Variants in ZNF544 observed in about 807,000 individuals in gnomAD.
The protein encoded by ZNF544 is zinc finger protein AF020591.
A neutral mutation model predicts 13.5 loss-of-function variants in ZNF544; 10 were observed. The ratio of observed to expected loss-of-function variants is 0.74; its 90% CI spans 0.46 to 1.25. ZNF544 has a LOEUF of 1.25. Ranked by LOEUF, ZNF544 falls within the 50% of genes most tolerant of loss-of-function variation. The pLI is 0.00. For synonymous variants in ZNF544, 323 were observed against 300.5 expected, an observed-to-expected ratio of 1.07 and a Z score of -0.77; for missense variants, 896 against 845.6, an observed-to-expected ratio of 1.06 and a Z score of -0.74.
chr19:58,245,015 C>T (rs1303874212), intron 4 of ZNF544, among the ~76,000 whole-genome samples: 1 of 151,996 alleles, frequency 6.6e-6, no homozygotes, highest in East Asian at 1.9e-4. Flanking sequence ...GTGGCACAAT[C>T]TCAGCTCACT....
intron 5 of ZNF544, among the ~76,000 whole-genome samples, chr19:58,269,937 C>A (rs1011177251): frequency 6.6e-6 from 1 of 152,064 alleles, no homozygotes; most frequent in Non-Finnish European, 1.5e-5. Context: ...GAGCAAATGG[C>A]ATGGCAGAAC....
intron 5 of ZNF544, among the ~76,000 whole-genome samples, chr19:58,272,872 C>CAA (rs60087012): frequency 7.6e-4 from 98 of 128,628 alleles, no homozygotes; most frequent in African/African-American, 2.1e-3. Flanking sequence ...GTCTCCTTCT[C>CAA]AAAAAAAAAA....
chr19:58,242,380 TC>T, intron 3 of ZNF544: 1 of 751,914 alleles, frequency 1.3e-6, no homozygotes, highest in Non-Finnish European at 1.6e-6. Context: ...TACTTGATAT[TC>T]CAGGGAATTT....
At chr19:58,251,719 T>TATA (rs1457759542) in intron 6 of ZNF544, among the ~76,000 whole-genome samples, 2 of 152,334 alleles carry the variant, frequency 1.3e-5, no homozygotes, top group African/African-American at 4.8e-5. Flanking sequence ...TTGTGTGGGC[T>TATA]CATAATAATT....
intron 3 of ZNF544, among the ~76,000 whole-genome samples, chr19:58,232,439 C>T (rs2041459068): frequency 6.7e-6 from 1 of 149,832 alleles, no homozygotes. Flanking sequence ...GCAGCCTTGA[C>T]CTCCCGGCTC....
intron 5 of ZNF544, among the ~76,000 whole-genome samples, chr19:58,271,824 T>C (rs2147888241): frequency 6.6e-6 from 1 of 152,310 alleles, no homozygotes; most frequent in South Asian, 2.1e-4. Context: ...TACTCTCCTT[T>C]TGATTCGGTG....
intron 3 of ZNF544, among the ~76,000 whole-genome samples, chr19:58,236,451 C>T (rs1407587890): frequency 2.0e-5 from 3 of 146,718 alleles, no homozygotes; most frequent in Admixed American, 6.9e-5. Context: ...GAGCCGAGAT[C>T]GCTTGGCGCC....
intron 3 of ZNF544, among the ~76,000 whole-genome samples, chr19:58,237,887 G>A (rs537428093): frequency 2.6e-5 from 4 of 152,280 alleles, no homozygotes; most frequent in South Asian, 2.1e-4. Flanking sequence ...TTGTGGGGCC[G>A]GGGAGCTGGA....
intron 5 of ZNF544, chr19:58,276,258 C>G (rs780059521): frequency 2.0e-5 from 17 of 832,994 alleles, no homozygotes; most frequent in Non-Finnish European, 2.4e-5. Flanking sequence ...CCCTACCTCT[C>G]CAACACTGGT....
chr19:58,262,254 T>G lies in ZNF544; in HGVS notation c.1648T>G (p.Cys550Gly). Residue 550 changes from cysteine (C) to glycine (G), a missense_variant, in exon 7 of 7, where the codon TGT (cysteine) becomes GGT (glycine). Transcript: ENST00000687789. ...TCACACTGGAGAAAAACCGTATCAG[T>G]GTATTGAATGTGGGAAATCCTTCAG... The part of the protein sequence containing the change: ...RIHTGEKPYQ[C>G]IECGKSFRWN... The G allele has an allele frequency of 6.2e-7, 1 of 1,614,026 alleles. No individual in the cohort carries two copies. The highest frequency in any genetic ancestry group is 1.6e-4 in the Middle Eastern group (1 of 6,062).
chr19:58,274,486 G>A (rs2051064953), intron 5 of ZNF544, among the ~76,000 whole-genome samples: 1 of 152,150 alleles, frequency 6.6e-6, no homozygotes, highest in Middle Eastern at 3.2e-3. Context: ...ACTAAGGAAA[G>A]GGATGGAACA....
At chr19:58,268,191 C>T (rs1337900991), downstream of ZNF544, among the ~76,000 whole-genome samples, 1 of 151,934 alleles carries the variant, frequency 6.6e-6, no homozygotes, top group African/African-American at 2.4e-5. Flanking sequence ...CCCAGCTACT[C>T]AGGAGTCTGA....
chr19:58,272,374 C>A (rs1008202486), intron 5 of ZNF544, among the ~76,000 whole-genome samples: 1 of 151,818 alleles, frequency 6.6e-6, no homozygotes, highest in African/African-American at 2.4e-5. Context: ...TTAGACTGGG[C>A]AACATGGCAG....
chr19:58,268,890 A>AC (rs2050260833), downstream of ZNF544, among the ~76,000 whole-genome samples: 1 of 152,236 alleles, frequency 6.6e-6, no homozygotes, highest in South Asian at 2.1e-4. Context: ...ACAAAGACTT[A>AC]CTAGCACAAA....
rs529322851 is a variant in ZNF544, at chr19:58,248,588, T to C, written c.244+1794T>C. ...GCATTTGGACAAATGTACAATGTCA[T>C]GTATCCACCATTATAGTATCAGACA... On this transcript the variant is annotated intron_variant, in intron 6 of 6. Transcript: ENST00000687789. Among the ~76,000 whole-genome samples the C allele has an allele frequency of 3.3e-5, 5 of 152,264 alleles. No homozygotes were observed. In the South Asian group the frequency reaches 1.0e-3, roughly 32 times the overall value.
rs759951051 is a variant in ZNF544 at position 58,262,010 on chromosome 19, C to T, written c.1404C>T (p.His468=). Residue 468 remains histidine (H), a synonymous_variant, in exon 7 of 7, where the codon CAC becomes CAT. Transcript: ENST00000687789. ...HTGEKPYECT[H]CGKSFSQSYE... is the part of the protein sequence containing the mutation. ...GAGAGAAACCGTATGAGTGCACTCACTGTGGAAAGTCCTTCAGCCAAAGCT... is the reference window on the plus strand; with the variant it reads ...GAGAGAAACCGTATGAGTGCACTCATTGTGGAAAGTCCTTCAGCCAAAGCT... 1 of 1,613,546 alleles carries T rather than the reference C, an allele frequency of 6.2e-7. No homozygotes were observed. Among genetic ancestry groups the T allele is most frequent in the Non-Finnish European group, 8.5e-7 (1 of 1,179,912 alleles).
At chr19:58,243,066 A>C (rs2044255116) in intron 3 of ZNF544, among the ~76,000 whole-genome samples, 1 of 152,058 alleles carries the variant, frequency 6.6e-6, no homozygotes, top group South Asian at 2.1e-4. Flanking sequence ...GGACTCAAGC[A>C]GTCTGCCTGC....
chr19:58,255,579 GTCTACTGAAGCTTGTGGA>G (rs2047120351), intron 6 of ZNF544, among the ~76,000 whole-genome samples: 1 of 152,068 alleles, frequency 6.6e-6, no homozygotes. Flanking sequence ...GATGTAGAAT[GTCTACTGAAGCTTGTGGA>G]TCCCAAAGGT....
At chr19:58,249,589 C>T (rs1392864360) in intron 6 of ZNF544, among the ~76,000 whole-genome samples, 1 of 152,150 alleles carries the variant, frequency 6.6e-6, no homozygotes, top group Non-Finnish European at 1.5e-5. Context: ...ACCAGGAGCC[C>T]CATGACTCAG....
Sources: allele counts gnomAD v4.1 joint callset (sites outside exome capture counted in the v4.1 genomes callset), GRCh38; gene constraint gnomAD v4.1.1; transcripts MANE v1.5; gene names NCBI Gene and HGNC (gene_info 2026-07-23, HGNC 2026-07-21).